LSAMP: variants seen among roughly 807,000 people sequenced by gnomAD.
LSAMP encodes the protein limbic system-associated membrane protein.
LSAMP carries 7 observed loss-of-function variants against 38.6 expected under a neutral mutation model. The ratio of observed to expected loss-of-function variants is 0.18; its 90% CI spans 0.10 to 0.34. LSAMP has a LOEUF of 0.34. Among genes scored for constraint, LSAMP ranks in the 10% least tolerant of loss-of-function variants. LSAMP has a pLI of 1.00. For synonymous variants in LSAMP, 154 were observed against 166.8 expected (o/e 0.92, Z 0.59); for missense variants, 313 against 420.0 (o/e 0.75, Z 2.23).
intron 1 of LSAMP, among the ~76,000 whole-genome samples, chr3:116,135,276 A>G (rs1010579026): frequency 3.9e-5 from 6 of 152,176 alleles, no homozygotes; most frequent in Non-Finnish European, 7.3e-5. Context: ...CTAGAAGCAA[A>G]TATCTGTCAA....
intron 1 of LSAMP, among the ~76,000 whole-genome samples, chr3:116,394,203 T>C (rs1278344060): frequency 6.6e-6 from 1 of 152,234 alleles, no homozygotes; most frequent in Middle Eastern, 3.2e-3. Flanking sequence ...GTGTCCATCA[T>C]CAGCATCTCC....
At chr3:116,003,819 GAA>G (rs1024252953) in intron 3 of LSAMP, among the ~76,000 whole-genome samples, 1 of 152,130 alleles carries the variant, frequency 6.6e-6, no homozygotes, top group Non-Finnish European at 1.5e-5. Flanking sequence ...AAGAAGTAAG[GAA>G]AGTTTTCCCA....
intron 3 of LSAMP, among the ~76,000 whole-genome samples, chr3:115,872,463 A>G (rs910311170): frequency 1.3e-5 from 2 of 152,126 alleles, no homozygotes; most frequent in African/African-American, 4.8e-5. Flanking sequence ...ATCAAGAGGG[A>G]AAACTACAGA....
intron 1 of LSAMP, among the ~76,000 whole-genome samples, chr3:116,095,130 T>G (rs565088163): frequency 6.6e-6 from 1 of 152,316 alleles, no homozygotes; most frequent in Non-Finnish European, 1.5e-5. Flanking sequence ...ACCCAGACTC[T>G]CAGATCAATC....
At chr3:116,017,631 G>A (rs1025302246) in intron 3 of LSAMP, among the ~76,000 whole-genome samples, 24 of 152,040 alleles carry the variant, frequency 1.6e-4, no homozygotes, top group African/African-American at 5.5e-4. Flanking sequence ...CATAAATTTG[G>A]CTGTAAGTTT....
chr3:116,352,555 A>G (rs2048156782), intron 1 of LSAMP, among the ~76,000 whole-genome samples: 1 of 152,096 alleles, frequency 6.6e-6, no homozygotes, highest in Admixed American at 6.6e-5. Flanking sequence ...TCTCCTTTGA[A>G]GTTTTGTGCT....
chr3:116,118,265 TTTCTC>T (rs1440753233), intron 1 of LSAMP, among the ~76,000 whole-genome samples: 2 of 152,140 alleles, frequency 1.3e-5, no homozygotes, highest in Non-Finnish European at 2.9e-5. Flanking sequence ...ATTCAAATAA[TTTCTC>T]TTATTTTAAT....
At chr3:116,257,168 T>C (rs2046762865) in intron 1 of LSAMP, among the ~76,000 whole-genome samples, 2 of 152,146 alleles carry the variant, frequency 1.3e-5, no homozygotes, top group South Asian at 2.1e-4. Flanking sequence ...TTCTCTAAAC[T>C]CCCTTTTAGC....
At chr3:115,838,443 C>T (rs1036067432) in intron 6 of LSAMP, among the ~76,000 whole-genome samples, 4 of 152,198 alleles carry the variant, frequency 2.6e-5, no homozygotes, top group African/African-American at 7.2e-5. Context: ...TGGTATCACT[C>T]GAAGTCCAAG....
chr3:116,301,538 A>G (rs2047408198), intron 1 of LSAMP, among the ~76,000 whole-genome samples: 1 of 152,168 alleles, frequency 6.6e-6, no homozygotes, highest in Admixed American at 6.5e-5. Flanking sequence ...AAGACTATAC[A>G]TCTTTCCCAA....
intron 1 of LSAMP, among the ~76,000 whole-genome samples, chr3:116,171,740 A>G (rs1710204661): frequency 6.6e-6 from 1 of 152,106 alleles, no homozygotes; most frequent in African/African-American, 2.4e-5. Flanking sequence ...AGTAAGGTGA[A>G]GTTTTGACAA....
chr3:116,245,787 G>A (rs925047352), intron 1 of LSAMP, among the ~76,000 whole-genome samples: 1 of 152,124 alleles, frequency 6.6e-6, no homozygotes, highest in Non-Finnish European at 1.5e-5. Context: ...AGGCACACAA[G>A]TTTTGATTCT....
rs1024046427 is a variant in LSAMP at position 116,188,731 on chromosome 3, C to G, written c.156-102175G>C. Among the ~76,000 whole-genome samples, 8 of 152,222 alleles carry G rather than the reference C, an allele frequency of 5.3e-5. No homozygotes were observed. The South Asian group carries it at 8.3e-4, about 16-fold the overall frequency. ...CACTTAACATGTATTTCTTGAGCTT[C>G]TACTATATTGCGGGAATGGGGGAAT... On this transcript the variant is annotated intron_variant, in intron 1 of 6. Coordinates refer to ENST00000490035, the MANE Select transcript of LSAMP (RefSeq NM_002338.5).
chr3:116,333,068 T>C (rs1167683202), intron 1 of LSAMP, among the ~76,000 whole-genome samples: 2 of 152,096 alleles, frequency 1.3e-5, no homozygotes, highest in Admixed American at 1.3e-4. Flanking sequence ...CTTTCAACAA[T>C]AGGACAATCA....
intron 2 of LSAMP, among the ~76,000 whole-genome samples, chr3:116,076,480 A>G (rs1472385730): frequency 6.6e-6 from 1 of 152,076 alleles, no homozygotes; most frequent in African/African-American, 2.4e-5. Flanking sequence ...GATGGTCTCA[A>G]TCTCATGACC....
chr3:116,293,674 A>G (rs2047295808), intron 1 of LSAMP, among the ~76,000 whole-genome samples: 1 of 152,182 alleles, frequency 6.6e-6, no homozygotes, highest in Admixed American at 6.5e-5. Context: ...GATATTATCT[A>G]AAGTTAATAA....
chr3:115,963,697 C>A (rs1287675309), intron 3 of LSAMP, among the ~76,000 whole-genome samples: 1 of 152,134 alleles, frequency 6.6e-6, no homozygotes, highest in African/African-American at 2.4e-5. Context: ...TAGTTCTTGC[C>A]GTCTCTATAC....
chr3:116,243,373 G>C (rs865932353), intron 1 of LSAMP, among the ~76,000 whole-genome samples: 1 of 152,192 alleles, frequency 6.6e-6, no homozygotes, highest in Non-Finnish European at 1.5e-5. Flanking sequence ...AGGAAGAGAG[G>C]AGCAGGGCAG....
intron 1 of LSAMP, among the ~76,000 whole-genome samples, chr3:116,150,625 C>T (rs1182759895): frequency 1.3e-5 from 2 of 151,762 alleles, no homozygotes; most frequent in Admixed American, 1.3e-4. Context: ...GGGCTGAGGG[C>T]CAAGGAAGAG....
Sources: allele counts gnomAD v4.1 joint callset (sites outside exome capture counted in the v4.1 genomes callset), GRCh38; gene constraint gnomAD v4.1.1; transcripts MANE v1.5; gene names NCBI Gene and HGNC (gene_info 2026-07-23, HGNC 2026-07-21).